The following SERPINF2 variants were observed in gnomAD, a reference collection of about 807,000 sequenced individuals.
SERPINF2 encodes alpha-2-antiplasmin.
A neutral mutation model predicts 45.0 loss-of-function variants in SERPINF2; 15 were observed. The ratio of observed to expected loss-of-function variants is 0.33; its 90% confidence interval spans 0.22 to 0.51. SERPINF2 has a LOEUF of 0.51. SERPINF2 is among the 20% of genes least tolerant of loss of function. The pLI is 0.97. For missense variants in SERPINF2, 518 were observed against 637.4 expected, an observed-to-expected ratio of 0.81 and a Z score of 2.02; for synonymous variants, 283 against 277.9, an observed-to-expected ratio of 1.02 and a Z score of -0.18.
chr17:1,746,270 T>A (rs1905819524), intron 5 of SERPINF2, among the ~76,000 whole-genome samples: 1 of 151,864 alleles, frequency 6.6e-6, no homozygotes, highest in Non-Finnish European at 1.5e-5. Flanking sequence ...TGAGCCGAGA[T>A]GGCGCCACTG....
In SERPINF2 at chr17:1,747,138, G is replaced by T. The variant is rs781319157; in HGVS notation, c.487G>T (p.Ala163Ser). The T allele has an allele frequency of 6.2e-7, 1 of 1,612,046 alleles. No homozygotes were observed. The highest frequency in any genetic ancestry group is 8.5e-7 in the Non-Finnish European group (1 of 1,179,978). Reference sequence around the variant, plus strand: ...CCTGGGCCCCGGCGCGTTCCGACTGGCTGCCAGGATGTACCTGCAGAAAGG... The same window carrying T: ...CCTGGGCCCCGGCGCGTTCCGACTGTCTGCCAGGATGTACCTGCAGAAAGG... ...QDLGPGAFRLAARMYLQKGFP... is the reference protein window; with the variant it reads ...QDLGPGAFRLSARMYLQKGFP... Residue 163 changes from alanine to serine, a missense_variant, in exon 6 of 10, where the codon GCT (alanine) becomes TCT (serine). Ala to Ser is a moderately conservative substitution (Grantham distance 99). This residue lies in a region of SERPINF2 where 435 missense variants were observed against 577.3 expected (regional missense o/e 0.75). Transcript: ENST00000453066.
At chr17:1,750,422 C>T (rs2151194167) in intron 8 of SERPINF2, among the ~76,000 whole-genome samples, 1 of 152,034 alleles carries the variant, frequency 6.6e-6, no homozygotes. Context: ...GCTGGGATTA[C>T]AGGTGTGAGC....
intron 5 of SERPINF2, among the ~76,000 whole-genome samples, chr17:1,746,273 C>T (rs534196546): frequency 2.4e-4 from 36 of 151,890 alleles, no homozygotes; most frequent in African/African-American, 8.0e-4. Context: ...GCCGAGATGG[C>T]GCCACTGCAC....
In SERPINF2 at chr17:1,754,685, T is replaced by TGGGGGGGGGGGATGTTTTTTTGGGG; in HGVS notation, c.*161_*162insGATGTTTTTTTGGGGGGGGGGGGGG. ...CCAACACCTCTTGGGGAGTTTAGGG[T>TGGGGGGGGGGGATGTTTTTTTGGGG]GGGGGGGGGGCGCGGCTGGGAGGAG... On this transcript the variant is annotated 3_prime_UTR_variant, in exon 10 of 10. Transcript: ENST00000453066. The TGGGGGGGGGGGATGTTTTTTTGGGG allele has an allele frequency of 5.6e-6, 1 of 179,690 alleles. No individual in the cohort carries two copies. The highest frequency in any genetic ancestry group is 1.1e-5 in the Non-Finnish European group (1 of 94,442). The allele number at this position is 179,690 out of a possible 1,614,324, so 11.1% of individuals were successfully genotyped here.
intron 5 of SERPINF2, 83 bp from the exon 6 acceptor site, chr17:1,746,936 C>T (rs548263440): frequency 9.6e-5 from 147 of 1,536,686 alleles, no homozygotes; most frequent in South Asian, 4.0e-4. Context: ...GTCCTCGTCA[C>T]GGGTATCCAG....
intron 8 of SERPINF2, among the ~76,000 whole-genome samples, chr17:1,751,846 C>T (rs1248408614): frequency 2.4e-4 from 23 of 96,742 alleles, no homozygotes; most frequent in Admixed American, 2.3e-3. Context: ...GAGGGTGGGG[C>T]GGGCAGCACT....
chr17:1,747,116 G>A lies in SERPINF2; in HGVS notation c.465G>A (p.Leu155=). ...TGCTGAGCCGCCTCTGCCAGGACCT[G>A]GGCCCCGGCGCGTTCCGACTGGCTG... ...PHLLSRLCQD[L]GPGAFRLAAR... is the part of the protein sequence containing the mutation. Residue 155 remains leucine (L), a synonymous_variant, in exon 6 of 10, where the codon CTG becomes CTA. Coordinates refer to ENST00000453066, the MANE Select transcript of SERPINF2 (RefSeq NM_000934.4). 1 of 1,611,646 alleles carries A rather than the reference G, an allele frequency of 6.2e-7. No homozygotes were observed. Among genetic ancestry groups the A allele is most frequent in the South Asian group, 1.1e-5 (1 of 91,048 alleles).
chr17:1,747,517 GCTC>G lies in SERPINF2; in HGVS notation c.715+15_715+17del. 1 of 1,613,362 alleles carries G rather than the reference GCTC, an allele frequency of 6.2e-7. No individual in the cohort carries two copies. The highest frequency in any genetic ancestry group is 2.2e-5 in the East Asian group (1 of 44,848). ...TCAACGCCATCCACTTCCAGGGTGC[GCTC>G]CTCCTCCTCTCAGATCCCCCACCCT... is the stretch of plus-strand genomic sequence containing the variant. On this transcript the variant is annotated splice_donor_region_variant and intron_variant, in intron 7 of 9. Transcript: ENST00000453066.
In SERPINF2 at chr17:1,745,140, G is replaced by A. The variant is rs893852610; in HGVS notation, c.64-35G>A. 6 of 1,589,514 alleles carry A rather than the reference G, an allele frequency of 3.8e-6. No homozygotes were observed. Among genetic ancestry groups the A allele is most frequent in the East Asian group, 2.3e-5 (1 of 43,632 alleles). ...TGGCATGGAGGGAGGGCTTGGCTCC[G>A]AGGGGACCTCCTATCCTCATCCCTT... On this transcript the variant is annotated intron_variant, in intron 2 of 9. Coordinates refer to ENST00000453066, the MANE Select transcript of SERPINF2 (RefSeq NM_000934.4). This position sits in a 1 kb window ranked among gnomAD's most constrained non-coding sequence, Gnocchi z 6.2.
intron 8 of SERPINF2, among the ~76,000 whole-genome samples, chr17:1,750,495 C>T (rs1051745622): frequency 7.2e-5 from 11 of 151,854 alleles, no homozygotes; most frequent in Non-Finnish European, 1.3e-4. Flanking sequence ...ACCATGTTGG[C>T]CAGGCTGATC....
At chr17:1,753,238 C>T (rs1937612387) in intron 9 of SERPINF2, among the ~76,000 whole-genome samples, 1 of 152,134 alleles carries the variant, frequency 6.6e-6, no homozygotes, top group Admixed American at 6.5e-5. Flanking sequence ...AACTCCGTCC[C>T]TACAAAAAAT....
chr17:1,751,353 G>A (rs990756384), intron 8 of SERPINF2, among the ~76,000 whole-genome samples: 1 of 151,646 alleles, frequency 6.6e-6, no homozygotes, highest in Non-Finnish European at 1.5e-5. Flanking sequence ...GGAGGCTGAG[G>A]CAGGAGAATC....
chr17:1,752,527 C>T (rs758730908), intron 8 of SERPINF2, 59 bp from the exon 9 acceptor site: 2 of 1,528,282 alleles, frequency 1.3e-6, no homozygotes, highest in Non-Finnish European at 1.8e-6. Context: ...CTGCTGGCCC[C>T]ACCCCCACTT....
At chr17:1,748,519 G>T in intron 7 of SERPINF2, 79 bp from the exon 8 acceptor site, 1 of 1,577,836 alleles carries the variant, frequency 6.3e-7, no homozygotes, top group Non-Finnish European at 8.6e-7. Flanking sequence ...GCCCAAGCTG[G>T]TCCCCATCGA....
chr17:1,744,047 C>G (rs1291440776), intron 1 of SERPINF2, among the ~76,000 whole-genome samples: 1 of 151,640 alleles, frequency 6.6e-6, no homozygotes, highest in African/African-American at 2.4e-5. Flanking sequence ...AGGGGCCCAC[C>G]ACCACGCCTG....
Position 1,745,057 on chromosome 17 carries a change from T to C in SERPINF2, c.62T>C (p.Val21Ala). 1.2e-6 allele frequency: 2 copies of C among 1,606,862 alleles called. No homozygotes were observed. Among genetic ancestry groups the C allele is most frequent in the Non-Finnish European group, 1.7e-6 (2 of 1,178,572 alleles). ...SWSCLQGPCS[V>A]FSPVSAMEPL... ...TCCTGCCTGCAAGGCCCCTGCTCCGTGGTGAGGCTGGGCTGAAGTCAAGGT... is the reference window on the plus strand; with the variant it reads ...TCCTGCCTGCAAGGCCCCTGCTCCGCGGTGAGGCTGGGCTGAAGTCAAGGT... The change falls in exon 2 of 10, where the codon GTG becomes GCG. Residue 21 changes from valine (V) to alanine (A), a missense_variant and splice_region_variant. Transcript: ENST00000453066. The surrounding 1 kb of genome is among the most constrained non-coding windows in gnomAD (Gnocchi z 6.2).
At chr17:1,743,869 A>G (rs1905533925) in intron 1 of SERPINF2, among the ~76,000 whole-genome samples, 1 of 151,894 alleles carries the variant, frequency 6.6e-6, no homozygotes, top group African/African-American at 2.4e-5. Flanking sequence ...GGGGAGTGCC[A>G]AGCATTGTAC....
At position 1,745,452 on chromosome 17, in the gene SERPINF2, C is replaced by T. The variant is rs530645752; in HGVS notation, c.165+57C>T. ...CGGGGCTAGAGGGAGGAGGGCCCAT[C>T]GGCAGGGGTCGGGGGGTGGGGGCGC... On this transcript the variant is annotated intron_variant, in intron 4 of 9. Transcript: ENST00000453066. This position sits in a 1 kb window ranked among gnomAD's most constrained non-coding sequence, Gnocchi z 6.2. 4.8e-4 allele frequency: 87 copies of T among 179,930 alleles called. No individual in the cohort carries two copies. Among genetic ancestry groups the T allele is most frequent in the African/African-American group, 4.5e-3 (60 of 13,208 alleles). 11.1% of individuals were successfully genotyped at this position (179,930 alleles called of 1,614,324 possible).
At position 1,748,755 on chromosome 17, in the gene SERPINF2, T is replaced by G; in HGVS notation, c.858+15T>G. 1 of 1,285,468 alleles carries G rather than the reference T, an allele frequency of 7.8e-7. No homozygotes were observed. Among genetic ancestry groups the G allele is most frequent in the Non-Finnish European group, 1.1e-6 (1 of 881,492 alleles). 79.6% of individuals were successfully genotyped at this position (1,285,468 alleles called of 1,614,324 possible). A position where few individuals can be genotyped will look rare whatever the true frequency, so the allele number is the denominator to read the frequency against. ...CTGAGATCCAGGTCACCCTTGGTTG[T>G]CCAGCAGGCTGGGCCTGAGGCTGGG... On this transcript the variant is annotated intron_variant, in intron 8 of 9. Transcript: ENST00000453066.
Sources: allele counts gnomAD v4.1 joint callset (sites outside exome capture counted in the v4.1 genomes callset), GRCh38; gene constraint gnomAD v4.1.1; regional missense constraint gnomAD v4.1.1; non-coding constraint Gnocchi (gnomAD v3.1); transcripts MANE v1.5; gene names NCBI Gene and HGNC (gene_info 2026-07-23, HGNC 2026-07-21).